The following GUCY1A2 variants were observed in gnomAD, a reference collection of about 807,000 sequenced individuals.
GUCY1A2 encodes guanylate cyclase soluble subunit alpha-2.
A neutral mutation model predicts 63.5 loss-of-function variants in GUCY1A2; 27 were observed. The observed-to-expected ratio is 0.43, with a 90% confidence interval of 0.31 to 0.59. GUCY1A2 has a LOEUF of 0.59. Among genes scored for constraint, GUCY1A2 ranks in the 20% least tolerant of loss-of-function variants. The probability of loss-of-function intolerance (pLI) is 0.11; values close to 1 mark genes in which losing one functional copy is unlikely to be tolerated. For missense variants in GUCY1A2, 768 were observed against 913.3 expected (o/e 0.84, Z 2.05); for synonymous variants, 364 against 343.5 (o/e 1.06, Z -0.66).
rs1862380850 is a variant in GUCY1A2, at chr11:106,678,403, A to C, written c.*9146T>G. ...TTTTGCTTCATTTTATGGAAGTTTT[A>C]ATTTAAAAGGCCAAAAAAGGAGACA... is the stretch of plus-strand genomic sequence containing the variant. On this transcript the variant is annotated 3_prime_UTR_variant, in exon 8 of 8. Transcript: ENST00000526355. 1 of 211,262 alleles carries C rather than the reference A, an allele frequency of 4.7e-6. No homozygotes were observed. Among genetic ancestry groups the C allele is most frequent in the African/African-American group, 2.3e-5 (1 of 44,120 alleles). 13.1% of individuals were successfully genotyped at this position (211,262 alleles called of 1,614,324 possible).
chr11:106,894,302 G>A (rs1421448443), intron 4 of GUCY1A2, among the ~76,000 whole-genome samples: 1 of 152,124 alleles, frequency 6.6e-6, no homozygotes, highest in Non-Finnish European at 1.5e-5. Flanking sequence ...AAACACATGA[G>A]ACAAAAACTG....
intron 6 of GUCY1A2, among the ~76,000 whole-genome samples, chr11:106,719,057 T>C (rs1863268427): frequency 6.6e-6 from 1 of 152,136 alleles, no homozygotes; most frequent in South Asian, 2.1e-4. Flanking sequence ...TTTTAGTTAG[T>C]AATAAAGACG....
rs751980242 is a variant in GUCY1A2 at position 106,810,283 on chromosome 11, T to G, written c.1402A>C (p.Arg468=). 1 of 1,613,902 alleles carries G rather than the reference T, an allele frequency of 6.2e-7. No individual in the cohort carries two copies. Among genetic ancestry groups the G allele is most frequent in the Non-Finnish European group, 8.5e-7 (1 of 1,179,862 alleles). The stretch of plus-strand genomic sequence containing the variant: ...AAAGTTGCCTTTAATTTATCCATCC[T>G]TTTCTTCAACCCATCTTGGGCCTTT... The part of the protein sequence containing the change: ...QAKAQDGLKK[R]MDKLKATLER... Residue 468 remains arginine, a synonymous_variant, in exon 5 of 8, where the codon AGG becomes CGG. Coordinates refer to ENST00000526355, the MANE Select transcript of GUCY1A2 (RefSeq NM_000855.3).
At chr11:106,742,546 T>C (rs1379111349) in intron 6 of GUCY1A2, among the ~76,000 whole-genome samples, 1 of 152,246 alleles carries the variant, frequency 6.6e-6, no homozygotes. Context: ...CTGCATAGTA[T>C]TCCATGGAGT....
chr11:106,874,630 C>T (rs1465096301), intron 4 of GUCY1A2, among the ~76,000 whole-genome samples: 1 of 151,978 alleles, frequency 6.6e-6, no homozygotes. Flanking sequence ...AAGAAGAATG[C>T]CGACCTTATT....
rs149659811 is a variant in GUCY1A2, at chr11:107,012,154, C to T, written c.303+5599G>A. Among the ~76,000 whole-genome samples, 63 of 151,964 alleles carry T rather than the reference C, an allele frequency of 4.1e-4. No individual in the cohort carries two copies. In the East Asian group the frequency reaches 0.012, roughly 28 times the overall value. On this transcript the variant is annotated intron_variant, in intron 1 of 7. Coordinates refer to ENST00000526355, the MANE Select transcript of GUCY1A2 (RefSeq NM_000855.3). ...GTTTGGATCTGCAATTTTTATATGT[C>T]TGTGTACACACATGAGTCATACCCA...
At chr11:106,765,357 G>A (rs1012067519) in intron 6 of GUCY1A2, among the ~76,000 whole-genome samples, 1 of 152,030 alleles carries the variant, frequency 6.6e-6, no homozygotes, top group Non-Finnish European at 1.5e-5. Context: ...CGATGTTAAG[G>A]TGGAAAGAGT....
At chr11:106,692,840 T>C (rs1180081278) in intron 7 of GUCY1A2, among the ~76,000 whole-genome samples, 3 of 152,196 alleles carry the variant, frequency 2.0e-5, no homozygotes, top group African/African-American at 7.2e-5. Flanking sequence ...AAGTGATTAT[T>C]TTTATTTGCG....
chr11:106,790,521 G>C (rs1490836472), intron 5 of GUCY1A2, among the ~76,000 whole-genome samples: 1 of 152,170 alleles, frequency 6.6e-6, no homozygotes, highest in South Asian at 2.1e-4. Context: ...GTAAGACAAA[G>C]GCCCTTTTAC....
In GUCY1A2 at chr11:106,715,360, A is replaced by T. The variant is rs1219806049; in HGVS notation, c.1837-6694T>A. On this transcript the variant is annotated intron_variant, in intron 6 of 7. Coordinates refer to ENST00000526355, the MANE Select transcript of GUCY1A2 (RefSeq NM_000855.3). The stretch of plus-strand genomic sequence containing the variant: ...CTCCCTCATTTTACAAATAGACTGA[A>T]GCTCAAAAGAGCACAATGAAAACAG... Among the ~76,000 whole-genome samples, 4 of 152,176 alleles carry T rather than the reference A, an allele frequency of 2.6e-5. No individual in the cohort carries two copies. The East Asian group carries it at 7.7e-4, about 29-fold the overall frequency.
At chr11:106,979,213 T>C (rs979132516) in intron 2 of GUCY1A2, among the ~76,000 whole-genome samples, 7 of 152,158 alleles carry the variant, frequency 4.6e-5, no homozygotes, top group African/African-American at 1.7e-4. Flanking sequence ...CCTAGCACTT[T>C]GGGAGGCCCA....
At chr11:106,920,000 A>C (rs1860420904) in intron 4 of GUCY1A2, among the ~76,000 whole-genome samples, 1 of 152,152 alleles carries the variant, frequency 6.6e-6, no homozygotes, top group African/African-American at 2.4e-5. Flanking sequence ...ACAGTTCAAA[A>C]AATTACAGGT....
intron 6 of GUCY1A2, among the ~76,000 whole-genome samples, chr11:106,775,055 A>G (rs1864331434): frequency 6.6e-6 from 1 of 152,072 alleles, no homozygotes; most frequent in Non-Finnish European, 1.5e-5. Flanking sequence ...GTTCTTCCCC[A>G]TAGTACTTTG....
At chr11:106,769,017 G>T (rs376747580) in intron 6 of GUCY1A2, among the ~76,000 whole-genome samples, 28 of 152,126 alleles carry the variant, frequency 1.8e-4, no homozygotes, top group African/African-American at 6.7e-4. Flanking sequence ...TAAATCCCCT[G>T]ATCGCTAACT....
At chr11:106,960,287 T>A (rs184466184) in intron 3 of GUCY1A2, among the ~76,000 whole-genome samples, 1 of 152,356 alleles carries the variant, frequency 6.6e-6, no homozygotes, top group Admixed American at 6.5e-5. Flanking sequence ...ATGAAGGATT[T>A]CAGTCTATTG....
intron 6 of GUCY1A2, among the ~76,000 whole-genome samples, chr11:106,716,801 A>T (rs1863224427): frequency 3.4e-5 from 5 of 146,276 alleles, no homozygotes; most frequent in African/African-American, 7.6e-5. Flanking sequence ...AAAAGATAAG[A>T]GTAAATCTCA....
intron 6 of GUCY1A2, among the ~76,000 whole-genome samples, chr11:106,751,599 C>CATTTGCCAGTATTTTCTA (rs1339787145): frequency 1.3e-5 from 2 of 152,020 alleles, no homozygotes; most frequent in African/African-American, 4.8e-5. Context: ...CGTGCAAAAA[C>CATTTGCCAGTATTTTCTA]ATTTGCCAGT....
chr11:106,909,736 C>A (rs1363547116), intron 4 of GUCY1A2, among the ~76,000 whole-genome samples: 1 of 151,918 alleles, frequency 6.6e-6, no homozygotes, highest in Non-Finnish European at 1.5e-5. Context: ...GTAACACAGG[C>A]TGTTTAACCA....
intron 4 of GUCY1A2, among the ~76,000 whole-genome samples, chr11:106,868,157 G>C (rs186486770): frequency 6.6e-6 from 1 of 151,984 alleles, no homozygotes. Flanking sequence ...TCTAAAATTT[G>C]GTAGCTATAA....
Sources: allele counts gnomAD v4.1 joint callset (sites outside exome capture counted in the v4.1 genomes callset), GRCh38; gene constraint gnomAD v4.1.1; transcripts MANE v1.5; gene names NCBI Gene and HGNC (gene_info 2026-07-23, HGNC 2026-07-21).